Variants in IRAG1 observed in about 807,000 individuals in gnomAD.
IRAG1 encodes IP3R-associated cGMP kinase substrate.
A neutral mutation model predicts 106.2 loss-of-function variants in IRAG1; 62 were observed. That is an observed-to-expected ratio of 0.58 (90% CI 0.48 to 0.72). The LOEUF is 0.72. Among genes scored for constraint, IRAG1 ranks in the 30% least tolerant of loss-of-function variants. IRAG1 has a pLI of 0.00. For synonymous variants in IRAG1, 462 were observed against 443.9 expected, an observed-to-expected ratio of 1.04 and a Z score of -0.51; for missense variants, 1,064 against 1,140.7, an observed-to-expected ratio of 0.93 and a Z score of 0.97.
At chr11:10,580,198 G>GC (rs1189329013) in intron 20 of IRAG1, among the ~76,000 whole-genome samples, 1 of 152,166 alleles carries the variant, frequency 6.6e-6, no homozygotes, top group African/African-American at 2.4e-5. Context: ...GCTCTTGATT[G>GC]CCATCCTCCC....
chr11:10,591,534 A>C lies in IRAG1; in HGVS notation c.2240+14T>G. The C allele has an allele frequency of 6.3e-7, 1 of 1,583,320 alleles. No homozygotes were observed. The highest frequency in any genetic ancestry group is 8.6e-7 in the Non-Finnish European group (1 of 1,164,294). Reference sequence around the variant, plus strand: ...AGAGATCCCTGAAGCCAAGAGGAAAATCGACAAACTTACTTTTCCAAAAGT... The same window carrying C: ...AGAGATCCCTGAAGCCAAGAGGAAACTCGACAAACTTACTTTTCCAAAAGT... On this transcript the variant is annotated intron_variant, in intron 18 of 20. Transcript: ENST00000423302.
chr11:10,658,030 G>A (rs1364213400), intron 1 of IRAG1, among the ~76,000 whole-genome samples: 1 of 152,242 alleles, frequency 6.6e-6, no homozygotes, highest in Non-Finnish European at 1.5e-5. Flanking sequence ...TCTGTGCTGT[G>A]AAAGCAGGCG....
intron 1 of IRAG1, among the ~76,000 whole-genome samples, chr11:10,679,219 A>G (rs1448669892): frequency 6.6e-6 from 1 of 152,240 alleles, no homozygotes; most frequent in Non-Finnish European, 1.5e-5. Flanking sequence ...CATCAGAAGC[A>G]TAGAGCTTTT....
intron 5 of IRAG1, among the ~76,000 whole-genome samples, 194 bp from the exon 6 acceptor site, chr11:10,629,022 C>T (rs935041718): frequency 6.6e-6 from 1 of 152,020 alleles, no homozygotes. Context: ...GAGATGGGTG[C>T]CCTCAGGCCA....
At chr11:10,593,053 T>C (rs966289698) in intron 17 of IRAG1, 3 of 152,766 alleles carry the variant, frequency 2.0e-5, no homozygotes, top group East Asian at 3.8e-4. Context: ...TTCATTATTA[T>C]GAACAATGCT....
chr11:10,603,415 T>C (rs556687336), intron 13 of IRAG1, among the ~76,000 whole-genome samples, 164 bp from the exon 14 acceptor site: 15 of 152,220 alleles, frequency 9.9e-5, no homozygotes, highest in Non-Finnish European at 2.1e-4. Flanking sequence ...CTCTGATCAT[T>C]AGATTCTTAT....
chr11:10,623,315 C>T (rs951318423), intron 10 of IRAG1, among the ~76,000 whole-genome samples: 21 of 152,156 alleles, frequency 1.4e-4, no homozygotes, highest in Middle Eastern at 3.2e-3. Flanking sequence ...CCATTTTCCC[C>T]GCCATGGTTC....
chr11:10,622,482 C>T (rs1355286329), intron 10 of IRAG1, among the ~76,000 whole-genome samples: 1 of 152,138 alleles, frequency 6.6e-6, no homozygotes, highest in African/African-American at 2.4e-5. Context: ...TATCTCAATG[C>T]TCCTGCCACA....
At chr11:10,622,143 C>T (rs1378882023) in intron 10 of IRAG1, among the ~76,000 whole-genome samples, 1 of 152,088 alleles carries the variant, frequency 6.6e-6, no homozygotes, top group African/African-American at 2.4e-5. Flanking sequence ...AGTCCCCCAC[C>T]CCCTCTGAAA....
At chr11:10,651,775 T>C (rs1858530328) in intron 2 of IRAG1, among the ~76,000 whole-genome samples, 1 of 152,248 alleles carries the variant, frequency 6.6e-6, no homozygotes, top group African/African-American at 2.4e-5. Flanking sequence ...GTTTGACTTC[T>C]GAGGCCTCAG....
chr11:10,640,297 G>A (rs1190940957), intron 2 of IRAG1, among the ~76,000 whole-genome samples: 1 of 152,196 alleles, frequency 6.6e-6, no homozygotes, highest in Admixed American at 6.5e-5. Context: ...TGCCAAGCAG[G>A]TAACCGCAGA....
At chr11:10,592,157 A>G (rs944420455) in intron 17 of IRAG1, among the ~76,000 whole-genome samples, 3 of 152,158 alleles carry the variant, frequency 2.0e-5, no homozygotes, top group Non-Finnish European at 4.4e-5. Context: ...ATGGTTCTCA[A>G]TGTTGGCTGC....
intron 8 of IRAG1, among the ~76,000 whole-genome samples, chr11:10,627,513 C>T (rs959213939): frequency 3.3e-5 from 5 of 152,106 alleles, no homozygotes; most frequent in Non-Finnish European, 7.4e-5. Flanking sequence ...AGTTCACCCC[C>T]CTGAATCCTG....
At chr11:10,585,960 C>T (rs575610159) in intron 18 of IRAG1, 2 of 151,058 alleles carry the variant, frequency 1.3e-5, no homozygotes, top group Non-Finnish European at 2.9e-5. Flanking sequence ...AATAGAAGCC[C>T]TCCATGAACC....
At chr11:10,690,821 T>C (rs1476247351) in intron 1 of IRAG1, among the ~76,000 whole-genome samples, 1 of 152,182 alleles carries the variant, frequency 6.6e-6, no homozygotes, top group African/African-American at 2.4e-5. Flanking sequence ...TGGCACAAAG[T>C]AGAAGCTCAA....
At chr11:10,594,061 C>G in intron 16 of IRAG1, 85 bp downstream of exon 16, 4 of 1,258,358 alleles carry the variant, frequency 3.2e-6, no homozygotes, top group Non-Finnish European at 4.5e-6. Context: ...ATCCATGGAT[C>G]CCAGAATGAA....
chr11:10,633,266 G>A (rs571609697), intron 3 of IRAG1, among the ~76,000 whole-genome samples: 37 of 152,118 alleles, frequency 2.4e-4, no homozygotes, highest in East Asian at 1.2e-3. Context: ...TAGTAGAGAC[G>A]TGGTTTCACT....
chr11:10,662,719 A>G (rs2135029352), intron 1 of IRAG1, among the ~76,000 whole-genome samples: 1 of 152,338 alleles, frequency 6.6e-6, no homozygotes, highest in East Asian at 1.9e-4. Flanking sequence ...CTGACAGAGC[A>G]GAGCCGGGAG....
chr11:10,647,545 C>T lies in IRAG1; in HGVS notation c.225+4480G>A, dbSNP rs1363240899. Among the ~76,000 whole-genome samples, 1 of 152,162 alleles carries T rather than the reference C, an allele frequency of 6.6e-6. No individual in the cohort carries two copies. The highest frequency in any genetic ancestry group is 1.5e-5 in the Non-Finnish European group (1 of 68,032). On this transcript the variant is annotated intron_variant, in intron 2 of 20. Coordinates refer to ENST00000423302, the MANE Select transcript of IRAG1 (RefSeq NM_130385.4). This position sits in a 1 kb window ranked among gnomAD's most constrained non-coding sequence, Gnocchi z 4.3. Reference sequence around the variant, plus strand: ...GTTCACACTGACCTGCCCCTGGGGGCTTCTAAAACCCTTTGGAGGAGGATG... The same window carrying T: ...GTTCACACTGACCTGCCCCTGGGGGTTTCTAAAACCCTTTGGAGGAGGATG...
Sources: gnomAD v4.1 joint callset for allele counts (sites outside exome capture counted in the v4.1 genomes callset) on GRCh38, gnomAD v4.1.1 for gene constraint, Gnocchi (gnomAD v3.1) non-coding constraint, MANE v1.5 for transcripts, NCBI Gene and HGNC (gene_info 2026-07-23, HGNC 2026-07-21) for gene names.